MAU2: variants seen among roughly 807,000 people sequenced by gnomAD.
The protein encoded by MAU2 is MAU2 sister chromatid cohesion factor.
In MAU2, 9 loss-of-function variants were observed where a neutral mutation model predicts 89.1. The observed-to-expected ratio is 0.10, with a 90% CI of 0.06 to 0.18. MAU2 has a LOEUF of 0.18. MAU2 is among the 10% of genes least tolerant of loss of function. The probability of loss-of-function intolerance (pLI) is 1.00; values close to 1 mark genes in which losing one functional copy is unlikely to be tolerated. For synonymous variants in MAU2, 357 were observed against 343.4 expected (o/e 1.04, Z -0.44); for missense variants, 425 against 803.5 (o/e 0.53, Z 5.69).
intron 16 of MAU2, 135 bp downstream of exon 16, chr19:19,349,571 C>T: frequency 5.3e-6 from 4 of 749,720 alleles, no homozygotes; most frequent in South Asian, 3.3e-5. Context: ...AGGTGGATGC[C>T]CTGACTCCCA....
intron 5 of MAU2, among the ~76,000 whole-genome samples, chr19:19,340,414 T>C (rs1321640634): frequency 2.7e-5 from 4 of 150,444 alleles, no homozygotes; most frequent in Non-Finnish European, 4.4e-5. Context: ...CCGAGGCGGG[T>C]GGATCACGAG....
chr19:19,354,206 A>G (rs934647834), intron 16 of MAU2, 149 bp from the exon 17 acceptor site: 1 of 665,388 alleles, frequency 1.5e-6, no homozygotes, highest in Non-Finnish European at 2.8e-6. Flanking sequence ...GCTCTGAGGT[A>G]AGCATAGGAG....
intron 13 of MAU2, 191 bp downstream of exon 13, chr19:19,347,557 G>C: frequency 1.8e-6 from 1 of 567,934 alleles, no homozygotes; most frequent in Non-Finnish European, 3.2e-6. Context: ...GGGGAGGCCA[G>C]GTCTGGGACA....
intron 7 of MAU2, among the ~76,000 whole-genome samples, chr19:19,341,861 C>T (rs1347354267): frequency 2.0e-5 from 3 of 152,106 alleles, no homozygotes; most frequent in Admixed American, 2.0e-4. Flanking sequence ...TGGGGAGCGG[C>T]TGTGTTTGAG....
chr19:19,355,648 C>A, intron 18 of MAU2, 60 bp from the exon 19 acceptor site: 1 of 1,452,998 alleles, frequency 6.9e-7, no homozygotes, highest in Non-Finnish European at 9.5e-7. Context: ...AGCATTCCAA[C>A]CTCTTCTTCC....
At chr19:19,346,615 G>A (rs755041303) in intron 12 of MAU2, among the ~76,000 whole-genome samples, 3 of 152,158 alleles carry the variant, frequency 2.0e-5, no homozygotes, top group African/African-American at 4.8e-5. Context: ...ATCTGTGCAG[G>A]TGGGGTCTGT....
intron 3 of MAU2, among the ~76,000 whole-genome samples, chr19:19,336,430 G>T (rs528321829): frequency 3.3e-5 from 5 of 152,212 alleles, no homozygotes; most frequent in African/African-American, 1.2e-4. Flanking sequence ...CTCCCGAGCA[G>T]CTGGGACTAT....
intron 13 of MAU2, chr19:19,348,066 C>T (rs2061710290): frequency 6.5e-6 from 1 of 153,470 alleles, no homozygotes; most frequent in South Asian, 2.0e-4. Context: ...CTCTGGGGGT[C>T]TACCTCCAAA....
At chr19:19,348,513 G>C (rs1411207785) in intron 13 of MAU2, 3 of 414,624 alleles carry the variant, frequency 7.2e-6, no homozygotes, top group African/African-American at 4.1e-5. Flanking sequence ...AGCCTCCCGG[G>C]GTCCCTGCAC....
In MAU2 at chr19:19,335,696, C is replaced by G. The variant is rs142577659; in HGVS notation, c.277-22C>G. Reference sequence around the variant, plus strand: ...GCCAGGTGTTTGCCTGAGAATTAATCGTTGTTTTCTTTCTTTTTCAGTGGT... The same window carrying G: ...GCCAGGTGTTTGCCTGAGAATTAATGGTTGTTTTCTTTCTTTTTCAGTGGT... On this transcript the variant is annotated intron_variant, in intron 1 of 18. Transcript: ENST00000262815. 9.3e-6 allele frequency: 15 copies of G among 1,614,008 alleles called. No homozygotes were observed. The East Asian group carries it at 1.1e-4, about 12-fold the overall frequency.
intron 4 of MAU2, among the ~76,000 whole-genome samples, chr19:19,337,913 G>A (rs1261003397): frequency 6.6e-6 from 1 of 152,230 alleles, no homozygotes; most frequent in East Asian, 1.9e-4. Context: ...GCAGTGGAGG[G>A]GCCGGCAGGC....
At chr19:19,342,092 C>G (rs538809383) in intron 7 of MAU2, among the ~76,000 whole-genome samples, 1 of 152,330 alleles carries the variant, frequency 6.6e-6, no homozygotes, top group South Asian at 2.1e-4. Context: ...CCACGCTTCC[C>G]TCAGGGTGCA....
chr19:19,337,599 C>T (rs1317695941), intron 4 of MAU2, among the ~76,000 whole-genome samples: 1 of 152,218 alleles, frequency 6.6e-6, no homozygotes, highest in Non-Finnish European at 1.5e-5. Flanking sequence ...GTTCTCATCT[C>T]ATCTTTGGCC....
In MAU2 at chr19:19,345,240, C is replaced by G. The variant is rs559766431; in HGVS notation, c.1156-64C>G. ...AGCCGTGCAGGCCCCGGGCACACCA[C>G]GTGTCTCTGATCTGAGCCCCCTCCC... On this transcript the variant is annotated intron_variant, in intron 11 of 18. Coordinates refer to ENST00000262815, the MANE Select transcript of MAU2 (RefSeq NM_015329.4). This position sits in a 1 kb window ranked among gnomAD's most constrained non-coding sequence, Gnocchi z 4.9. 17 of 1,446,534 alleles carry G rather than the reference C, an allele frequency of 1.2e-5. No individual in the cohort carries two copies. The highest frequency in any genetic ancestry group is 1.7e-5 in the Non-Finnish European group (17 of 1,029,116). 89.6% of individuals were successfully genotyped at this position (1,446,534 alleles called of 1,614,324 possible).
rs34080404 is a variant in MAU2, at chr19:19,331,698, T to TAA, written c.277-4020_277-4019insAA. On this transcript the variant is annotated intron_variant, in intron 1 of 18. Coordinates refer to ENST00000262815, the MANE Select transcript of MAU2 (RefSeq NM_015329.4). Reference sequence around the variant, plus strand: ...GGGACGATCACCTGAGCCCAGGAGTTCAAGACCAGCCTGTGCAGCATAGCA... The same window carrying TAA: ...GGGACGATCACCTGAGCCCAGGAGTTAACAAGACCAGCCTGTGCAGCATAGCA... Among the ~76,000 whole-genome samples the TAA allele has an allele frequency of 7.2e-3, 1,087 of 151,916 alleles. 15 individuals carry two copies. The highest frequency in any genetic ancestry group is 0.024 in the African/African-American group (997 of 41,400).
chr19:19,337,356 C>A, intron 4 of MAU2, 91 bp downstream of exon 4: 2 of 1,001,866 alleles, frequency 2.0e-6, no homozygotes, highest in Non-Finnish European at 3.1e-6. Flanking sequence ...GCAGAGTCCA[C>A]GATGCGCAGA....
intron 9 of MAU2, 48 bp downstream of exon 9, chr19:19,342,914 G>A (rs996757621): frequency 6.2e-7 from 1 of 1,600,468 alleles, no homozygotes; most frequent in Non-Finnish European, 8.5e-7. Context: ...ACCCCTGGCG[G>A]ACGGCCTGGC....
chr19:19,325,549 A>T (rs548212354), intron 1 of MAU2, among the ~76,000 whole-genome samples: 1 of 150,602 alleles, frequency 6.6e-6, no homozygotes, highest in African/African-American at 2.4e-5. Context: ...GTGCGATTTC[A>T]GCTCACTGCA....
At chr19:19,336,543 A>G (rs73001045) in intron 3 of MAU2, among the ~76,000 whole-genome samples, 3,165 of 152,228 alleles carry the variant, frequency 0.021, 46 homozygotes, top group Non-Finnish European at 0.034. Context: ...CAAAGTGCCA[A>G]AATTATACAC....
Sources: allele counts gnomAD v4.1 joint callset (sites outside exome capture counted in the v4.1 genomes callset), GRCh38; gene constraint gnomAD v4.1.1; non-coding constraint Gnocchi (gnomAD v3.1); transcripts MANE v1.5; gene names NCBI Gene and HGNC (gene_info 2026-07-23, HGNC 2026-07-21).